Variants in AKAP19 observed in about 807,000 individuals in gnomAD.
AKAP19 encodes the protein A-kinase anchoring protein 19, also known as small A-kinase anchoring protein.
chr2:189,942,146 T>C, the AKAP19 span, among the ~76,000 whole-genome samples: 1 of 152,220 alleles, frequency 6.6e-6, no homozygotes, highest in Non-Finnish European at 1.5e-5. Flanking sequence ...TCTCCCATGC[T>C]GGCGGGGAGG....
the AKAP19 span, among the ~76,000 whole-genome samples, chr2:190,103,541 A>G: frequency 9.9e-5 from 15 of 152,232 alleles, no homozygotes; most frequent in African/African-American, 3.4e-4. Context: ...TCTATACACC[A>G]ATATTGTTCA....
At chr2:190,051,888 A>T in the AKAP19 span, among the ~76,000 whole-genome samples, 1 of 150,472 alleles carries the variant, frequency 6.6e-6, no homozygotes, top group African/African-American at 2.5e-5. Context: ...CCCAGGCTGG[A>T]GTGCAGTGGC....
the AKAP19 span, among the ~76,000 whole-genome samples, chr2:190,141,169 A>G: frequency 6.6e-6 from 1 of 152,144 alleles, no homozygotes; most frequent in Admixed American, 6.5e-5. Flanking sequence ...GAAGTTCCAA[A>G]CATTCCCACA....
the AKAP19 span, among the ~76,000 whole-genome samples, chr2:189,998,771 C>CTTTTTTT: frequency 6.2e-3 from 602 of 97,410 alleles, 1 homozygote; most frequent in East Asian, 8.3e-3. Context: ...TTCTTTCTTT[C>CTTTTTTT]TTTTTTTTTT....
At chr2:189,998,559 T>C in the AKAP19 span, among the ~76,000 whole-genome samples, 1 of 152,188 alleles carries the variant, frequency 6.6e-6, no homozygotes, top group Non-Finnish European at 1.5e-5. Flanking sequence ...AAGCTGTTTA[T>C]GAGATTCCTT....
chr2:190,192,883 T>G, the AKAP19 span, among the ~76,000 whole-genome samples: 1 of 152,176 alleles, frequency 6.6e-6, no homozygotes, highest in African/African-American at 2.4e-5. Flanking sequence ...CTACAATTAT[T>G]CCAGTAAATT....
the AKAP19 span, among the ~76,000 whole-genome samples, chr2:189,938,011 G>A: frequency 7.9e-5 from 12 of 152,176 alleles, no homozygotes; most frequent in African/African-American, 2.9e-4. Context: ...AGGAACCTAA[G>A]TGTTTATCAA....
the AKAP19 span, among the ~76,000 whole-genome samples, chr2:190,032,598 G>A: frequency 6.6e-6 from 1 of 152,096 alleles, no homozygotes; most frequent in African/African-American, 2.4e-5. Flanking sequence ...AGGTTCAAGT[G>A]TGCTTGTGTA....
At chr2:190,068,964 C>A in the AKAP19 span, among the ~76,000 whole-genome samples, 1 of 152,184 alleles carries the variant, frequency 6.6e-6, no homozygotes, top group Non-Finnish European at 1.5e-5. Flanking sequence ...CTTCTCACAC[C>A]GTGTGGCTCT....
chr2:189,923,923 T>C, the AKAP19 span: 1 of 1,611,354 alleles, frequency 6.2e-7, no homozygotes, highest in Non-Finnish European at 8.5e-7. Context: ...AAGTGGATTC[T>C]TTCCTGGAAA....
At chr2:189,983,577 C>T in the AKAP19 span, among the ~76,000 whole-genome samples, 3 of 152,188 alleles carry the variant, frequency 2.0e-5, no homozygotes, top group African/African-American at 7.2e-5. Flanking sequence ...ACATCTGTTC[C>T]CAGGCATAGG....
the AKAP19 span, among the ~76,000 whole-genome samples, chr2:189,979,623 G>C: frequency 6.6e-6 from 1 of 152,214 alleles, no homozygotes; most frequent in Admixed American, 6.5e-5. Context: ...AGAATCAACA[G>C]AGTAAACAGA....
At chr2:190,170,162 G>A in the AKAP19 span, among the ~76,000 whole-genome samples, 5 of 152,244 alleles carry the variant, frequency 3.3e-5, no homozygotes, top group South Asian at 2.1e-4. Context: ...GCAGGCTCTT[G>A]GGTTTCTGTT....
chr2:190,031,997 C>T, the AKAP19 span, among the ~76,000 whole-genome samples: 2 of 152,030 alleles, frequency 1.3e-5, no homozygotes, highest in Non-Finnish European at 2.9e-5. Context: ...TTATATTTTT[C>T]TTTATACATG....
chr2:190,035,485 T>C, the AKAP19 span, among the ~76,000 whole-genome samples: 2 of 151,916 alleles, frequency 1.3e-5, no homozygotes, highest in African/African-American at 4.8e-5. Flanking sequence ...ACTACAAAAC[T>C]GTCCCTCATG....
the AKAP19 span, among the ~76,000 whole-genome samples, chr2:190,161,241 A>G: frequency 6.6e-6 from 1 of 152,166 alleles, no homozygotes; most frequent in East Asian, 1.9e-4. Context: ...AATTACCAAT[A>G]TATCATTTCC....
the AKAP19 span, among the ~76,000 whole-genome samples, chr2:189,906,052 C>T: frequency 2.6e-5 from 4 of 152,100 alleles, no homozygotes; most frequent in East Asian, 5.8e-4. Flanking sequence ...TTTTCACATT[C>T]GTTTAAACAG....
the AKAP19 span, among the ~76,000 whole-genome samples, chr2:190,105,678 G>A: frequency 1.3e-5 from 2 of 152,302 alleles, no homozygotes; most frequent in African/African-American, 2.4e-5. Context: ...TAGCAGCAGA[G>A]TGAGTCGATG....
At chr2:189,892,411 C>T in the AKAP19 span, among the ~76,000 whole-genome samples, 62 of 152,082 alleles carry the variant, frequency 4.1e-4, no homozygotes, top group African/African-American at 1.4e-3. Flanking sequence ...CTTTCGGGTG[C>T]GGTTTCTGTG....
Sources: gnomAD v4.1 joint callset for allele counts (sites outside exome capture counted in the v4.1 genomes callset) on GRCh38, gnomAD v4.1.1 for gene constraint, MANE v1.5 for transcripts, NCBI Gene and HGNC (gene_info 2026-07-23, HGNC 2026-07-21) for gene names.